EPB41: variants seen among roughly 807,000 people sequenced by gnomAD.
The protein encoded by EPB41 is protein 4.1.
A neutral mutation model predicts 108.0 loss-of-function variants in EPB41; 65 were observed. The ratio of observed to expected loss-of-function variants is 0.60; its 90% CI spans 0.49 to 0.74. EPB41 has a LOEUF of 0.74. Ranked by LOEUF, EPB41 falls within the 30% of genes least tolerant of loss-of-function variation. EPB41 has a pLI of 0.00. For synonymous variants in EPB41, 336 were observed against 358.9 expected (o/e 0.94, Z 0.72); for missense variants, 875 against 1,037.0 (o/e 0.84, Z 2.15).
intron 1 of EPB41, 35 bp from the exon 2 acceptor site, chr1:28,987,396 A>T (rs756707361): frequency 6.3e-7 from 1 of 1,595,936 alleles, no homozygotes; most frequent in South Asian, 1.1e-5. Context: ...TGTTTTGCTT[A>T]TAAGAGCCCC....
At chr1:29,112,890 A>G (rs1426618242) in intron 19 of EPB41, among the ~76,000 whole-genome samples, 1 of 152,190 alleles carries the variant, frequency 6.6e-6, no homozygotes, top group Non-Finnish European at 1.5e-5. Context: ...CATGCTAGAC[A>G]ACATCAAAAC....
At chr1:28,907,378 T>C (rs972410008) in intron 1 of EPB41, among the ~76,000 whole-genome samples, 4 of 151,854 alleles carry the variant, frequency 2.6e-5, no homozygotes, top group African/African-American at 7.3e-5. Flanking sequence ...TCTTTTTTTT[T>C]CAATAGAGAT....
Position 29,115,924 on chromosome 1 carries a change from G to T in EPB41, c.*6+121G>T. 1.3e-6 allele frequency: 1 copy of T among 752,460 alleles called. No homozygotes were observed. Among genetic ancestry groups the T allele is most frequent in the Non-Finnish European group, 2.3e-6 (1 of 429,548 alleles). 46.6% of individuals were successfully genotyped at this position (752,460 alleles called of 1,614,324 possible). ...CAAAGAGGTGTTCACCCTGGGACTT[G>T]ATAAAGGCAGACGAGAGGCTGATGT... is the stretch of plus-strand genomic sequence containing the variant. On this transcript the variant is annotated intron_variant, in intron 20 of 20. Coordinates refer to ENST00000343067, the MANE Select transcript of EPB41 (RefSeq NM_001376013.1). The surrounding 1 kb of genome is among the most constrained non-coding windows in gnomAD (Gnocchi z 4.4).
intron 1 of EPB41, among the ~76,000 whole-genome samples, chr1:28,928,948 C>G (rs937303001): frequency 1.3e-5 from 2 of 152,170 alleles, no homozygotes; most frequent in Non-Finnish European, 2.9e-5. Context: ...CTGGTACTGA[C>G]TGCTGTGTGT....
Position 28,987,590 on chromosome 1 carries a change from G to A in EPB41, c.153G>A (p.Gln51=). ...CTGAAGGAGATAATTGGTGTGAACA[G>A]AAGCTGAAAGCTTCTAATGGAGACA... The part of the protein sequence containing the change: ...TAAEGDNWCE[Q]KLKASNGDTP... Residue 51 remains glutamine, a synonymous_variant, in exon 2 of 21, where the codon CAG becomes CAA. Coordinates refer to ENST00000343067, the MANE Select transcript of EPB41 (RefSeq NM_001376013.1). The A allele has an allele frequency of 1.2e-6, 2 of 1,614,178 alleles. No homozygotes were observed. Among genetic ancestry groups the A allele is most frequent in the Non-Finnish European group, 1.7e-6 (2 of 1,180,036 alleles).
intron 1 of EPB41, among the ~76,000 whole-genome samples, chr1:28,950,345 T>A (rs192743737): frequency 6.6e-6 from 1 of 152,348 alleles, no homozygotes; most frequent in East Asian, 1.9e-4. Context: ...TTCAAACCCA[T>A]GTTTGTTTAA....
At chr1:29,043,302 G>T (rs1572962386) in intron 11 of EPB41, among the ~76,000 whole-genome samples, 1 of 152,314 alleles carries the variant, frequency 6.6e-6, no homozygotes, top group East Asian at 1.9e-4. Context: ...ATTATGTGAA[G>T]GAGCCGGCCA....
chr1:29,052,848 C>T (rs1644755124), intron 11 of EPB41, among the ~76,000 whole-genome samples: 1 of 152,030 alleles, frequency 6.6e-6, no homozygotes, highest in Non-Finnish European at 1.5e-5. Flanking sequence ...ATCTTGTCTC[C>T]CCTGAATTCA....
chr1:28,974,806 T>G (rs972902936), intron 1 of EPB41, among the ~76,000 whole-genome samples: 4 of 151,936 alleles, frequency 2.6e-5, no homozygotes, highest in African/African-American at 9.7e-5. Flanking sequence ...TTTTGTTTTT[T>G]TTTTTTGAGA....
chr1:29,045,153 A>G (rs537012495), intron 11 of EPB41, among the ~76,000 whole-genome samples: 1 of 152,242 alleles, frequency 6.6e-6, no homozygotes, highest in Admixed American at 6.5e-5. Flanking sequence ...TAATACTTTT[A>G]TTGGGATTTA....
intron 2 of EPB41, among the ~76,000 whole-genome samples, chr1:28,990,192 A>T (rs1384176289): frequency 6.7e-6 from 1 of 149,910 alleles, no homozygotes; most frequent in East Asian, 2.0e-4. Flanking sequence ...AGATCACGCC[A>T]CTGCACTCCA....
chr1:29,006,556 AAC>A (rs975596701), intron 4 of EPB41, among the ~76,000 whole-genome samples: 2 of 151,940 alleles, frequency 1.3e-5, no homozygotes, highest in African/African-American at 4.8e-5. Context: ...TTTAAAAGTG[AAC>A]ACATCTGTAT....
chr1:28,967,937 T>C (rs1287638744), intron 1 of EPB41, among the ~76,000 whole-genome samples: 1 of 151,878 alleles, frequency 6.6e-6, no homozygotes. Context: ...CCTGAATAGC[T>C]GGGATTACAG....
intron 1 of EPB41, among the ~76,000 whole-genome samples, chr1:28,905,453 C>T (rs1382418105): frequency 3.3e-5 from 5 of 150,738 alleles, no homozygotes; most frequent in Admixed American, 6.6e-5. Flanking sequence ...GCTGAGATCA[C>T]GCCACTGCAC....
At chr1:29,067,664 T>TAA (rs11398608) in intron 16 of EPB41, among the ~76,000 whole-genome samples, 3,074 of 134,396 alleles carry the variant, frequency 0.023, 68 homozygotes, top group Middle Eastern at 0.1. Context: ...GACTCCGTCT[T>TAA]AAAAAAAAAA....
chr1:28,977,631 A>G (rs2095638779), intron 1 of EPB41, among the ~76,000 whole-genome samples: 1 of 152,054 alleles, frequency 6.6e-6, no homozygotes, highest in African/African-American at 2.4e-5. Context: ...CTCCTTTTGG[A>G]TTTTATATCC....
At chr1:28,955,533 C>T (rs1411928457) in intron 1 of EPB41, among the ~76,000 whole-genome samples, 1 of 151,984 alleles carries the variant, frequency 6.6e-6, no homozygotes, top group South Asian at 2.1e-4. Context: ...TTAGTAGAGA[C>T]GGAGTTTCAC....
intron 11 of EPB41, among the ~76,000 whole-genome samples, chr1:29,040,067 A>G (rs1640915186): frequency 6.6e-6 from 1 of 151,992 alleles, no homozygotes. Context: ...AAAAATAGCT[A>G]ATATTTTTCT....
chr1:29,004,388 G>A (rs1459814631), intron 4 of EPB41, among the ~76,000 whole-genome samples: 1 of 152,206 alleles, frequency 6.6e-6, no homozygotes, highest in African/African-American at 2.4e-5. Context: ...TAATCAGTCT[G>A]AAAAGATCAT....
Sources: allele counts gnomAD v4.1 joint callset (sites outside exome capture counted in the v4.1 genomes callset), GRCh38; gene constraint gnomAD v4.1.1; non-coding constraint Gnocchi (gnomAD v3.1); transcripts MANE v1.5; gene names NCBI Gene and HGNC (gene_info 2026-07-23, HGNC 2026-07-21).